Variants in B3GALT1 observed in about 807,000 individuals in gnomAD.
B3GALT1 encodes UDP-Gal:betaGlcNAc beta 1,3-galactosyltransferase, polypeptide 1.
In B3GALT1, 10 loss-of-function variants were observed where a neutral mutation model predicts 23.2. That is an observed-to-expected ratio of 0.43 (90% CI 0.27 to 0.73). The LOEUF is 0.73. B3GALT1 is among the 30% of genes least tolerant of loss of function. The pLI is 0.21. For missense variants in B3GALT1, 299 were observed against 405.4 expected, an observed-to-expected ratio of 0.74 and a Z score of 2.25; for synonymous variants, 156 against 141.5, an observed-to-expected ratio of 1.10 and a Z score of -0.73.
At chr2:167,720,349 A>T (rs1417024328) in intron 3 of B3GALT1, among the ~76,000 whole-genome samples, 1 of 152,180 alleles carries the variant, frequency 6.6e-6, no homozygotes, top group Non-Finnish European at 1.5e-5. Context: ...TCTGGGGGGA[A>T]GTTAAAACAT....
At chr2:167,295,797 GTGTGTA>G (rs1227633516) in intron 1 of B3GALT1, among the ~76,000 whole-genome samples, 6 of 148,710 alleles carry the variant, frequency 4.0e-5, no homozygotes, top group African/African-American at 1.3e-4. Context: ...GTGTGTGTGT[GTGTGTA>G]TGGAACTTTT....
intron 2 of B3GALT1, among the ~76,000 whole-genome samples, chr2:167,583,379 T>G (rs891994133): frequency 5.3e-5 from 8 of 152,194 alleles, no homozygotes; most frequent in African/African-American, 1.4e-4. Flanking sequence ...TTAGAGGTTC[T>G]TGTTCATACG....
In B3GALT1 at chr2:167,669,781, T is replaced by C. The variant is rs191803690; in HGVS notation, c.-352+22815T>C. On this transcript the variant is annotated intron_variant, in intron 3 of 4. Coordinates refer to ENST00000392690, the MANE Select transcript of B3GALT1 (RefSeq NM_020981.4). ...AGAGAGACCCCCTTGGCCTACAGTT[T>C]ATCTTATCAGGGAAAATGAGACAGT... Among the ~76,000 whole-genome samples, 399 of 152,250 alleles carry C rather than the reference T, an allele frequency of 2.6e-3. 3 individuals carry two copies. The highest frequency in any genetic ancestry group is 4.3e-3 in the Non-Finnish European group (292 of 68,024).
chr2:167,808,419 A>C (rs1399014915), intron 3 of B3GALT1, among the ~76,000 whole-genome samples: 1 of 151,158 alleles, frequency 6.6e-6, no homozygotes, highest in African/African-American at 2.4e-5. Flanking sequence ...ACAGTTTGGC[A>C]TGTTTTTGCA....
At chr2:167,441,699 C>T (rs966290527) in intron 1 of B3GALT1, among the ~76,000 whole-genome samples, 1 of 151,912 alleles carries the variant, frequency 6.6e-6, no homozygotes, top group African/African-American at 2.4e-5. Context: ...GTTTTAATGA[C>T]CTGGATTATT....
chr2:167,737,603 A>G (rs1383777050), intron 3 of B3GALT1, among the ~76,000 whole-genome samples: 1 of 152,260 alleles, frequency 6.6e-6, no homozygotes, highest in Non-Finnish European at 1.5e-5. Context: ...TTGCTTGAAG[A>G]AGAGAAAAAT....
At chr2:167,751,918 G>A (rs1259717052) in intron 3 of B3GALT1, among the ~76,000 whole-genome samples, 1 of 152,146 alleles carries the variant, frequency 6.6e-6, no homozygotes, top group Admixed American at 6.5e-5. Context: ...CATTACTACT[G>A]TAGGCATTTT....
At chr2:167,635,325 A>G (rs1424993364) in intron 2 of B3GALT1, among the ~76,000 whole-genome samples, 1 of 152,150 alleles carries the variant, frequency 6.6e-6, no homozygotes, top group East Asian at 1.9e-4. Context: ...CTCCTGTTCA[A>G]AACAGTATTG....
intron 2 of B3GALT1, among the ~76,000 whole-genome samples, chr2:167,501,344 A>G (rs1699845246): frequency 6.6e-6 from 1 of 152,018 alleles, no homozygotes; most frequent in South Asian, 2.1e-4. Context: ...TTAAAAATAT[A>G]TTAATATCAC....
intron 2 of B3GALT1, among the ~76,000 whole-genome samples, chr2:167,547,333 C>G (rs149704707): frequency 6.6e-6 from 1 of 152,276 alleles, no homozygotes; most frequent in African/African-American, 2.4e-5. Flanking sequence ...GTTACATTAT[C>G]TTCTTGGGAT....
At chr2:167,771,643 A>G (rs751763018) in intron 3 of B3GALT1, among the ~76,000 whole-genome samples, 2 of 152,238 alleles carry the variant, frequency 1.3e-5, no homozygotes, top group Non-Finnish European at 2.9e-5. Flanking sequence ...CTATCATATC[A>G]TGAATGAATA....
chr2:167,610,087 A>G (rs1190764489), intron 2 of B3GALT1, among the ~76,000 whole-genome samples: 1 of 152,194 alleles, frequency 6.6e-6, no homozygotes, highest in Admixed American at 6.6e-5. Context: ...ATATAGTTAA[A>G]GAGGACAAAA....
At chr2:167,605,579 T>C (rs1460471571) in intron 2 of B3GALT1, among the ~76,000 whole-genome samples, 1 of 152,166 alleles carries the variant, frequency 6.6e-6, no homozygotes, top group Non-Finnish European at 1.5e-5. Context: ...AAAGAAGTGT[T>C]CCCAGCATGA....
chr2:167,628,990 T>G (rs1465043611), intron 2 of B3GALT1, among the ~76,000 whole-genome samples: 1 of 151,606 alleles, frequency 6.6e-6, no homozygotes, highest in East Asian at 1.9e-4. Context: ...TAGGTCAAGG[T>G]CACTAGTATC....
rs560945975 is a variant in B3GALT1 at position 167,505,945 on chromosome 2, G to A, written c.-410+15668G>A. ...CGTGGTGGCGGGCTCCTGTAGTCCC[G>A]GCTACTTGGGAGGCTGAGGCAGGAG... On this transcript the variant is annotated intron_variant, in intron 2 of 4. Coordinates refer to ENST00000392690, the MANE Select transcript of B3GALT1 (RefSeq NM_020981.4). 2.6e-5 allele frequency among the ~76,000 whole-genome samples: 4 copies of A among 151,808 alleles called. No homozygotes were observed. In the South Asian group the frequency reaches 6.3e-4, roughly 24 times the overall value.
At chr2:167,353,597 C>T (rs1697352691) in intron 1 of B3GALT1, among the ~76,000 whole-genome samples, 1 of 152,116 alleles carries the variant, frequency 6.6e-6, no homozygotes, top group Non-Finnish European at 1.5e-5. Context: ...GCTAACAGAG[C>T]AAGTACAAGT....
chr2:167,844,453 C>A (rs1689713631), intron 4 of B3GALT1, among the ~76,000 whole-genome samples: 1 of 152,314 alleles, frequency 6.6e-6, no homozygotes, highest in East Asian at 1.9e-4. Flanking sequence ...GAAAGGGAGA[C>A]CCTCCTCTCC....
intron 1 of B3GALT1, among the ~76,000 whole-genome samples, chr2:167,382,545 A>G (rs947404522): frequency 6.6e-6 from 1 of 152,046 alleles, no homozygotes; most frequent in Non-Finnish European, 1.5e-5. Flanking sequence ...GGATCTTTCA[A>G]GAGCTAATTG....
At chr2:167,447,569 C>T (rs1294967048) in intron 1 of B3GALT1, among the ~76,000 whole-genome samples, 2 of 152,130 alleles carry the variant, frequency 1.3e-5, no homozygotes, top group Non-Finnish European at 2.9e-5. Flanking sequence ...TGGCAGGCAC[C>T]CCTCCCCCAG....
Sources: allele counts gnomAD v4.1 joint callset (sites outside exome capture counted in the v4.1 genomes callset), GRCh38; gene constraint gnomAD v4.1.1; transcripts MANE v1.5; gene names NCBI Gene and HGNC (gene_info 2026-07-23, HGNC 2026-07-21).